The following NUS1 variants were observed in gnomAD, a reference collection of about 807,000 sequenced individuals.
NUS1 encodes dehydrodolichyl diphosphate synthase complex subunit NUS1.
For missense variants in NUS1, 292 were observed against 382.9 expected, an observed-to-expected ratio of 0.76 and a Z score of 1.98; for synonymous variants, 135 against 155.2, an observed-to-expected ratio of 0.87 and a Z score of 0.97.
Position 117,703,633 on chromosome 6 carries a change from A to G in NUS1, c.720A>G (p.Leu240=), listed in dbSNP as rs1773460069. The G allele has an allele frequency of 6.2e-7, 1 of 1,613,464 alleles. No individual in the cohort carries two copies. Among genetic ancestry groups the G allele is most frequent in the African/African-American group, 1.3e-5 (1 of 74,910 alleles). Residue 240 remains leucine, a synonymous_variant, in exon 4 of 5, where the codon TTA becomes TTG. Transcript: ENST00000368494. ...LSSNGCPDPD[L]VLKFGPVDST... ...CAAATGGTTGTCCTGATCCTGATTTAGTATTGAAGTTCGGTCCTGTGGACA... is the reference window on the plus strand; with the variant it reads ...CAAATGGTTGTCCTGATCCTGATTTGGTATTGAAGTTCGGTCCTGTGGACA...
chr6:117,700,606 T>A (rs979480774), intron 3 of NUS1, among the ~76,000 whole-genome samples: 1 of 152,184 alleles, frequency 6.6e-6, no homozygotes, highest in Non-Finnish European at 1.5e-5. Flanking sequence ...TACCACATGA[T>A]CCAGTAATCC....
chr6:117,696,813 C>T (rs1028486237), intron 3 of NUS1, among the ~76,000 whole-genome samples: 4 of 151,978 alleles, frequency 2.6e-5, no homozygotes, highest in African/African-American at 9.7e-5. Flanking sequence ...TGTTAATGAG[C>T]AATAAATCAT....
intron 1 of NUS1, among the ~76,000 whole-genome samples, chr6:117,683,979 T>G (rs1055903119): frequency 6.6e-6 from 1 of 152,234 alleles, no homozygotes. Flanking sequence ...TGTAACCTAG[T>G]AGGTAGATTA....
In NUS1 at chr6:117,707,174, T is replaced by C; in HGVS notation, c.*159T>C. On this transcript the variant is annotated 3_prime_UTR_variant, in exon 5 of 5. Transcript: ENST00000368494. ...AAAGTGTCTTACTTGAGAGTGAGTG[T>C]GTGTGTGTGCGTGTGCACGTGCACA... is the stretch of plus-strand genomic sequence containing the variant. 1.5e-6 allele frequency: 1 copy of C among 649,438 alleles called. No homozygotes were observed. Among genetic ancestry groups the C allele is most frequent in the South Asian group, 1.7e-5 (1 of 58,210 alleles). 40.2% of individuals were successfully genotyped at this position (649,438 alleles called of 1,614,324 possible).
chr6:117,698,356 G>C (rs895618198), intron 3 of NUS1, among the ~76,000 whole-genome samples: 1 of 152,036 alleles, frequency 6.6e-6, no homozygotes, highest in African/African-American at 2.4e-5. Context: ...TGATGCTACA[G>C]AAATTCAAAG....
rs1773520505 is a variant in NUS1, at chr6:117,707,684, G to T, written c.*669G>T. 1 of 145,768 alleles carries T rather than the reference G, an allele frequency of 6.9e-6. No homozygotes were observed. Among genetic ancestry groups the T allele is most frequent in the South Asian group, 2.3e-4 (1 of 4,420 alleles). 9.0% of individuals were successfully genotyped at this position (145,768 alleles called of 1,614,324 possible). ...GAAGTCTGGTATTCTGGTATTCTGGGTTCAAAAGTATGACTTGAGAGTGTT... is the reference window on the plus strand; with the variant it reads ...GAAGTCTGGTATTCTGGTATTCTGGTTTCAAAAGTATGACTTGAGAGTGTT... On this transcript the variant is annotated 3_prime_UTR_variant, in exon 5 of 5. Coordinates refer to ENST00000368494, the MANE Select transcript of NUS1 (RefSeq NM_138459.5).
chr6:117,677,963 G>C (rs1773008003), intron 1 of NUS1, among the ~76,000 whole-genome samples: 1 of 152,236 alleles, frequency 6.6e-6, no homozygotes, highest in Non-Finnish European at 1.5e-5. Context: ...TTATCTTCCA[G>C]TAGGGAAGGA....
At chr6:117,700,372 A>G (rs79077661) in intron 3 of NUS1, among the ~76,000 whole-genome samples, 5,636 of 152,352 alleles carry the variant, frequency 0.037, 157 homozygotes, top group Non-Finnish European at 0.056. Flanking sequence ...ACAGATAGCA[A>G]ATAGGTATAT....
intron 2 of NUS1, 122 bp downstream of exon 2, chr6:117,693,289 A>G: frequency 1.0e-6 from 1 of 990,954 alleles, no homozygotes; most frequent in Non-Finnish European, 1.5e-6. Flanking sequence ...TATTGTCAAC[A>G]TCTTTAATCA....
In NUS1 at chr6:117,693,023, G is replaced by T. The variant is rs930382103; in HGVS notation, c.416-19G>T. ...AAATTAACCTAGTTGTGTTTTACTT[G>T]CCTTTTTCTTTTTTAAAGGTATTTT... is the stretch of plus-strand genomic sequence containing the variant. On this transcript the variant is annotated intron_variant, in intron 1 of 4. Coordinates refer to ENST00000368494, the MANE Select transcript of NUS1 (RefSeq NM_138459.5). 6.3e-7 allele frequency: 1 copy of T among 1,588,848 alleles called. No homozygotes were observed. The highest frequency in any genetic ancestry group is 1.3e-5 in the African/African-American group (1 of 74,094).
rs1773546755 is a variant in NUS1, at chr6:117,709,522, C to G, written c.*2507C>G. 1 of 146,546 alleles carries G rather than the reference C, an allele frequency of 6.8e-6. No individual in the cohort carries two copies. Among genetic ancestry groups the G allele is most frequent in the Non-Finnish European group, 1.5e-5 (1 of 66,612 alleles). The allele number at this position is 146,546 out of a possible 1,614,324, so 9.1% of individuals were successfully genotyped here. A position where few individuals can be genotyped will look rare whatever the true frequency, so the allele number is the denominator to read the frequency against. ...TATCGTGACTAACGCTTAAGAATGCCTGTCTTTGAGAGGAAGGTGTTATAA... is the reference window on the plus strand; with the variant it reads ...TATCGTGACTAACGCTTAAGAATGCGTGTCTTTGAGAGGAAGGTGTTATAA... On this transcript the variant is annotated 3_prime_UTR_variant, in exon 5 of 5. Transcript: ENST00000368494.
chr6:117,690,277 A>G (rs909454497), intron 1 of NUS1, among the ~76,000 whole-genome samples: 2 of 151,186 alleles, frequency 1.3e-5, no homozygotes, highest in East Asian at 3.8e-4. Context: ...GTGGGCTTTC[A>G]TAATTATTGT....
intron 3 of NUS1, among the ~76,000 whole-genome samples, chr6:117,698,849 A>T (rs1328872178): frequency 4.6e-5 from 7 of 152,172 alleles, no homozygotes; most frequent in Admixed American, 4.6e-4. Flanking sequence ...GGATGCAAGG[A>T]TGGTTGAACA....
At chr6:117,702,688 A>G (rs1178992255) in intron 3 of NUS1, among the ~76,000 whole-genome samples, 1 of 152,038 alleles carries the variant, frequency 6.6e-6, no homozygotes. Context: ...TGCTTGGCCC[A>G]TTCACTCTAC....
intron 1 of NUS1, among the ~76,000 whole-genome samples, chr6:117,682,458 G>A (rs1306830343): frequency 6.6e-6 from 1 of 152,090 alleles, no homozygotes; most frequent in Non-Finnish European, 1.5e-5. Context: ...TAGAAAATGA[G>A]CTAGACATGG....
At chr6:117,704,086 G>A (rs748998040) in intron 4 of NUS1, among the ~76,000 whole-genome samples, 3 of 152,190 alleles carry the variant, frequency 2.0e-5, no homozygotes, top group Non-Finnish European at 4.4e-5. Flanking sequence ...AGAGCAGACA[G>A]TGTTAGGCAG....
chr6:117,693,199 A>G (rs1773267298), intron 2 of NUS1, 32 bp downstream of exon 2: 5 of 1,593,848 alleles, frequency 3.1e-6, no homozygotes, highest in South Asian at 2.3e-5. Context: ...AACATGTAAC[A>G]TATGAAGATG....
intron 3 of NUS1, among the ~76,000 whole-genome samples, chr6:117,700,386 A>G (rs1773389757): frequency 6.6e-6 from 1 of 152,370 alleles, no homozygotes; most frequent in East Asian, 1.9e-4. Context: ...GGTATATGCA[A>G]AGATGCTCAA....
chr6:117,700,947 G>A (rs1773396801), intron 3 of NUS1, among the ~76,000 whole-genome samples: 1 of 151,832 alleles, frequency 6.6e-6, no homozygotes, highest in Admixed American at 6.6e-5. Flanking sequence ...GTTGCTAGAG[G>A]CTGGGAAAGA....
Sources: allele counts gnomAD v4.1 joint callset (sites outside exome capture counted in the v4.1 genomes callset), GRCh38; gene constraint gnomAD v4.1.1; transcripts MANE v1.5; gene names NCBI Gene and HGNC (gene_info 2026-07-23, HGNC 2026-07-21).